MAML2: variants seen among roughly 807,000 people sequenced by gnomAD.
MAML2 encodes mastermind-like protein 2.
In MAML2, 22 loss-of-function variants were observed where a neutral mutation model predicts 96.1. The ratio of observed to expected loss-of-function variants is 0.23; its 90% CI spans 0.16 to 0.33. The LOEUF (loss-of-function observed/expected upper bound fraction) is 0.33. MAML2 is among the 10% of genes least tolerant of loss of function. The probability of loss-of-function intolerance (pLI) is 1.00; values close to 1 mark genes in which losing one functional copy is unlikely to be tolerated. For missense variants in MAML2, 1,367 were observed against 1,392.4 expected (o/e 0.98, Z 0.29); for synonymous variants, 561 against 521.3 (o/e 1.08, Z -1.04).
rs563604792 is a variant in MAML2 at position 96,161,486 on chromosome 11, G to T, written c.514-67969C>A. Among the ~76,000 whole-genome samples the T allele has an allele frequency of 1.9e-4, 29 of 152,252 alleles. No homozygotes were observed. In the South Asian group the frequency reaches 4.8e-3, roughly 25 times the overall value. ...AGAGGAATCTCGGGATCCAGCAGATGGGGAAGTCGCATGTTAAGAGACTGG... is the reference window on the plus strand; with the variant it reads ...AGAGGAATCTCGGGATCCAGCAGATTGGGAAGTCGCATGTTAAGAGACTGG... On this transcript the variant is annotated intron_variant, in intron 1 of 4. Coordinates refer to ENST00000524717, the MANE Select transcript of MAML2 (RefSeq NM_032427.4).
intron 2 of MAML2, among the ~76,000 whole-genome samples, chr11:96,048,385 A>C (rs1858940056): frequency 1.3e-5 from 2 of 152,244 alleles, no homozygotes; most frequent in African/African-American, 4.8e-5. Flanking sequence ...TGTTTATTTG[A>C]TGTCCCAAAT....
chr11:96,258,833 T>G (rs1440702201), intron 1 of MAML2, among the ~76,000 whole-genome samples: 1 of 152,210 alleles, frequency 6.6e-6, no homozygotes, highest in African/African-American at 2.4e-5. Context: ...GTACTCAGAC[T>G]TTTGTTCCTT....
intron 2 of MAML2, among the ~76,000 whole-genome samples, chr11:96,071,455 T>C (rs891477363): frequency 6.6e-6 from 1 of 152,236 alleles, no homozygotes; most frequent in Non-Finnish European, 1.5e-5. Flanking sequence ...TATTGGCCAG[T>C]CGGCCCACAG....
In MAML2 at chr11:96,209,126, T is replaced by C. The variant is rs16923281; in HGVS notation, c.514-115609A>G. On this transcript the variant is annotated intron_variant, in intron 1 of 4. Transcript: ENST00000524717. Reference sequence around the variant, plus strand: ...CATCTTCCCAGTTTGATTACTTAAGTGTGTGACAAAAGACATAAGGGGTTA... The same window carrying C: ...CATCTTCCCAGTTTGATTACTTAAGCGTGTGACAAAAGACATAAGGGGTTA... 4.0e-5 allele frequency among the ~76,000 whole-genome samples: 6 copies of C among 151,070 alleles called. No individual in the cohort carries two copies. In the South Asian group the frequency reaches 8.3e-4, roughly 21 times the overall value.
intron 4 of MAML2, among the ~76,000 whole-genome samples, chr11:95,982,922 T>G (rs773829792): frequency 2.0e-5 from 3 of 152,180 alleles, no homozygotes; most frequent in Non-Finnish European, 4.4e-5. Flanking sequence ...TCCTGTAAGC[T>G]CCATTCATGG....
chr11:96,004,623 G>A (rs1858147803), intron 2 of MAML2, among the ~76,000 whole-genome samples: 1 of 152,076 alleles, frequency 6.6e-6, no homozygotes. Context: ...AAAAAAAATG[G>A]AGCTTTTGTA....
At chr11:96,292,259 T>C (rs1487560450) in intron 1 of MAML2, among the ~76,000 whole-genome samples, 1 of 152,174 alleles carries the variant, frequency 6.6e-6, no homozygotes, top group Non-Finnish European at 1.5e-5. Flanking sequence ...AATCATAACA[T>C]TTTAGCATTA....
intron 1 of MAML2, among the ~76,000 whole-genome samples, chr11:96,257,203 G>A (rs1862680121): frequency 6.6e-6 from 1 of 152,156 alleles, no homozygotes; most frequent in Non-Finnish European, 1.5e-5. Context: ...CAAATTTCCT[G>A]TAGCCCATCC....
chr11:96,128,071 G>C (rs886370881), intron 1 of MAML2, among the ~76,000 whole-genome samples: 2 of 152,124 alleles, frequency 1.3e-5, no homozygotes, highest in African/African-American at 2.4e-5. Context: ...CTGGGTGTCT[G>C]GGTCTAAAAA....
intron 1 of MAML2, among the ~76,000 whole-genome samples, chr11:96,127,714 G>A (rs902201014): frequency 7.9e-5 from 12 of 152,148 alleles, no homozygotes; most frequent in African/African-American, 2.4e-4. Context: ...TACTGCCTTC[G>A]AATCCAGCCC....
At chr11:96,275,380 C>T (rs1862974658) in intron 1 of MAML2, among the ~76,000 whole-genome samples, 1 of 149,012 alleles carries the variant, frequency 6.7e-6, no homozygotes, top group Non-Finnish European at 1.5e-5. Context: ...TGAGTTCACA[C>T]CATTCTTCTG....
chr11:96,001,865 A>G (rs751376751), intron 2 of MAML2, among the ~76,000 whole-genome samples: 35 of 152,108 alleles, frequency 2.3e-4, no homozygotes, highest in Admixed American at 7.2e-4. Context: ...ACCCTATACA[A>G]TGGTGATACT....
rs551926922 is a variant in MAML2, at chr11:96,058,777, T to C, written c.2139+33115A>G. The stretch of plus-strand genomic sequence containing the variant: ...GAGTTATAGTCCAACAATCCCAGCT[T>C]CTACTTACAGTGCAACCTACTGCCA... On this transcript the variant is annotated intron_variant, in intron 2 of 4. Transcript: ENST00000524717. 4.3e-4 allele frequency among the ~76,000 whole-genome samples: 66 copies of C among 152,338 alleles called. 1 individual carries two copies. The South Asian group carries it at 0.013, about 31-fold the overall frequency.
chr11:96,088,687 G>A (rs987418737), intron 2 of MAML2, among the ~76,000 whole-genome samples: 3 of 152,048 alleles, frequency 2.0e-5, no homozygotes, highest in African/African-American at 7.2e-5. Context: ...CTGGAGAAGA[G>A]GTTACTTAAA....
intron 1 of MAML2, among the ~76,000 whole-genome samples, chr11:96,154,517 C>T (rs1860979612): frequency 6.6e-6 from 1 of 152,182 alleles, no homozygotes; most frequent in Non-Finnish European, 1.5e-5. Context: ...GCTGTCTTAT[C>T]AGTGCTTATC....
intron 1 of MAML2, among the ~76,000 whole-genome samples, chr11:96,203,462 TG>T (rs2135932576): frequency 6.6e-6 from 1 of 152,378 alleles, no homozygotes; most frequent in South Asian, 2.1e-4. Flanking sequence ...TTGTCAGATC[TG>T]GCTGTACATT....
chr11:96,064,973 T>G (rs1172746109), intron 2 of MAML2, among the ~76,000 whole-genome samples: 1 of 152,182 alleles, frequency 6.6e-6, no homozygotes, highest in African/African-American at 2.4e-5. Flanking sequence ...TTAAAAGTGA[T>G]TAGAATTCAT....
At chr11:96,202,968 G>C (rs1316806136) in intron 1 of MAML2, among the ~76,000 whole-genome samples, 1 of 151,916 alleles carries the variant, frequency 6.6e-6, no homozygotes. Context: ...AGCTCCCAAA[G>C]GAAACACCTA....
intron 1 of MAML2, among the ~76,000 whole-genome samples, chr11:96,330,840 C>T (rs1434164811): frequency 1.3e-5 from 2 of 152,102 alleles, no homozygotes; most frequent in Non-Finnish European, 2.9e-5. Context: ...ATTTATGTCA[C>T]GTTATTGGAT....
Sources: gnomAD v4.1 joint callset for allele counts (sites outside exome capture counted in the v4.1 genomes callset) on GRCh38, gnomAD v4.1.1 for gene constraint, MANE v1.5 for transcripts, NCBI Gene and HGNC (gene_info 2026-07-23, HGNC 2026-07-21) for gene names.